ANO2: variants seen among roughly 807,000 people sequenced by gnomAD.
ANO2 encodes the protein anoctamin-2.
ANO2 carries 101 observed loss-of-function variants against 124.2 expected under a neutral mutation model. That is an observed-to-expected ratio of 0.81 (90% CI 0.69 to 0.96). The LOEUF is 0.96. Among genes scored for constraint, ANO2 ranks in the 40% least tolerant of loss-of-function variants. The probability of loss-of-function intolerance (pLI) is 0.00; values close to 1 mark genes in which losing one functional copy is unlikely to be tolerated. For synonymous variants in ANO2, 486 were observed against 482.5 expected (o/e 1.01, Z -0.09); for missense variants, 1,293 against 1,274.5 (o/e 1.01, Z -0.22).
At chr12:5,816,665 T>C (rs1953620441) in intron 7 of ANO2, among the ~76,000 whole-genome samples, 1 of 152,216 alleles carries the variant, frequency 6.6e-6, no homozygotes, top group East Asian at 1.9e-4. Context: ...TGTGCCCATC[T>C]GTAATTGGAG....
chr12:5,683,236 T>C (rs942649340), intron 14 of ANO2, among the ~76,000 whole-genome samples: 2 of 152,108 alleles, frequency 1.3e-5, no homozygotes, highest in South Asian at 2.1e-4. Context: ...AAATAAGAGC[T>C]CAGGTAAGAG....
chr12:5,819,774 A>G (rs1453676921), intron 7 of ANO2, among the ~76,000 whole-genome samples: 2 of 152,220 alleles, frequency 1.3e-5, no homozygotes, highest in African/African-American at 4.8e-5. Context: ...CAGATCTAAC[A>G]GTGGGAACCA....
At chr12:5,768,438 A>G (rs1396340318) in intron 10 of ANO2, among the ~76,000 whole-genome samples, 1 of 152,252 alleles carries the variant, frequency 6.6e-6, no homozygotes, top group Non-Finnish European at 1.5e-5. Flanking sequence ...TTGTTGGAAG[A>G]GAAGAGAGTC....
intron 7 of ANO2, among the ~76,000 whole-genome samples, chr12:5,825,749 C>T (rs547067984): frequency 2.0e-5 from 3 of 152,150 alleles, no homozygotes; most frequent in African/African-American, 4.8e-5. Flanking sequence ...ACAGGAGATT[C>T]GTTAGGGCAT....
At position 5,922,790 on chromosome 12, in the gene ANO2, G is replaced by A; in HGVS notation, c.37C>T (p.Pro13Ser). 1 of 1,524,294 alleles carries A rather than the reference G, an allele frequency of 6.6e-7. No individual in the cohort carries two copies. Among genetic ancestry groups the A allele is most frequent in the Non-Finnish European group, 8.8e-7 (1 of 1,137,436 alleles). 94.4% of individuals were successfully genotyped at this position (1,524,294 alleles called of 1,614,324 possible). A position where few individuals can be genotyped will look rare whatever the true frequency, so the allele number is the denominator to read the frequency against. ...GGGCTCAGCCGGCGTGGGGAGCCAG[G>A]GAGCAGGGGTATATCTGTGAGAGGG... Reference protein sequence around the residue: ...TPGPRDIPLLPGSPRRLSPQA... With the variant: ...TPGPRDIPLLSGSPRRLSPQA... Residue 13 changes from proline to serine, a missense_variant, in exon 2 of 25, where the codon CCT becomes TCT. Transcript: ENST00000682330.
intron 19 of ANO2, among the ~76,000 whole-genome samples, chr12:5,609,869 G>GTATATA (rs10677018): frequency 1.5e-4 from 21 of 144,378 alleles, no homozygotes; most frequent in African/African-American, 4.6e-4. Flanking sequence ...TTTAGAAAAT[G>GTATATA]TATATATATA....
At chr12:5,604,249 A>C (rs1397866618) in intron 19 of ANO2, among the ~76,000 whole-genome samples, 12 of 152,214 alleles carry the variant, frequency 7.9e-5, no homozygotes, top group Non-Finnish European at 1.6e-4. Context: ...GCTACGATAG[A>C]GAATACAACG....
At position 5,921,294 on chromosome 12, in the gene ANO2, C is replaced by G. The variant is rs1463611002; in HGVS notation, c.280G>C (p.Asp94His). ...EARLSRMHFH[D>H]SQRKVDYVLA... Reference sequence around the variant, plus strand: ...ACATAGTCGACCTTCCTCTGACTGTCATGGAAGTGCATGCGGCTAAGACGG... The same window carrying G: ...ACATAGTCGACCTTCCTCTGACTGTGATGGAAGTGCATGCGGCTAAGACGG... Residue 94 changes from aspartate (D) to histidine (H), a missense_variant, in exon 3 of 25, where the codon GAC becomes CAC. Coordinates refer to ENST00000682330, the MANE Select transcript of ANO2 (RefSeq NM_001364791.2). 1 of 1,613,980 alleles carries G rather than the reference C, an allele frequency of 6.2e-7. No individual in the cohort carries two copies. Among genetic ancestry groups the G allele is most frequent in the East Asian group, 2.2e-5 (1 of 44,878 alleles).
At chr12:5,785,546 T>C (rs997806222) in intron 10 of ANO2, among the ~76,000 whole-genome samples, 2 of 152,132 alleles carry the variant, frequency 1.3e-5, no homozygotes, top group African/African-American at 4.8e-5. Flanking sequence ...TGACACATCA[T>C]TGGTTTATGT....
At chr12:5,662,233 C>T (rs1041502205) in intron 14 of ANO2, among the ~76,000 whole-genome samples, 1 of 152,248 alleles carries the variant, frequency 6.6e-6, no homozygotes, top group Non-Finnish European at 1.5e-5. Flanking sequence ...AAGACCTAGA[C>T]CTATGCAGCT....
At chr12:5,659,348 C>A (rs1157849090) in intron 14 of ANO2, among the ~76,000 whole-genome samples, 2 of 152,194 alleles carry the variant, frequency 1.3e-5, no homozygotes, top group African/African-American at 4.8e-5. Flanking sequence ...ACCATAATGT[C>A]AGCCTGCAAA....
intron 14 of ANO2, among the ~76,000 whole-genome samples, chr12:5,718,570 G>A (rs1033721679): frequency 1.3e-5 from 2 of 152,320 alleles, no homozygotes; most frequent in East Asian, 1.9e-4. Context: ...GTTTATGCGA[G>A]GTAAAGGATT....
intron 16 of ANO2, among the ~76,000 whole-genome samples, chr12:5,634,594 A>G (rs1945906833): frequency 6.6e-6 from 1 of 152,162 alleles, no homozygotes; most frequent in African/African-American, 2.4e-5. Context: ...CTGAATATTG[A>G]GGCCGTTGCA....
chr12:5,846,516 G>A (rs755646550), intron 4 of ANO2, among the ~76,000 whole-genome samples: 9 of 152,184 alleles, frequency 5.9e-5, no homozygotes, highest in Non-Finnish European at 1.3e-4. Flanking sequence ...GAAGAAGAGT[G>A]TATTAGTTTC....
At chr12:5,773,741 G>C (rs1952149302) in intron 10 of ANO2, among the ~76,000 whole-genome samples, 1 of 152,162 alleles carries the variant, frequency 6.6e-6, no homozygotes. Flanking sequence ...CCCTACAGCA[G>C]GAATGAGAAA....
At chr12:5,627,540 C>G (rs765972189) in intron 16 of ANO2, among the ~76,000 whole-genome samples, 5 of 152,236 alleles carry the variant, frequency 3.3e-5, no homozygotes, top group Non-Finnish European at 5.9e-5. Flanking sequence ...CCCCCCATCC[C>G]AGAGCACTGC....
At chr12:5,613,684 G>T (rs903435637) in intron 17 of ANO2, among the ~76,000 whole-genome samples, 3 of 152,086 alleles carry the variant, frequency 2.0e-5, no homozygotes, top group African/African-American at 7.2e-5. Context: ...TCTTCTTGTT[G>T]TCTCCGTTCA....
intron 24 of ANO2, among the ~76,000 whole-genome samples, chr12:5,564,951 G>A (rs565152855): frequency 1.8e-4 from 27 of 152,276 alleles, no homozygotes; most frequent in African/African-American, 5.3e-4. Context: ...CTTGAAGACC[G>A]GGGGCACCCA....
At chr12:5,822,436 C>A (rs1953831971) in intron 7 of ANO2, among the ~76,000 whole-genome samples, 2 of 152,212 alleles carry the variant, frequency 1.3e-5, no homozygotes. Context: ...TCCCCAGCCA[C>A]CCCTGTCATT....
Sources: gnomAD v4.1 joint callset for allele counts (sites outside exome capture counted in the v4.1 genomes callset) on GRCh38, gnomAD v4.1.1 for gene constraint, MANE v1.5 for transcripts, NCBI Gene and HGNC (gene_info 2026-07-23, HGNC 2026-07-21) for gene names.